COG1: variants seen among roughly 807,000 people sequenced by gnomAD.
COG1 encodes the protein conserved oligomeric Golgi complex subunit 1.
A neutral mutation model predicts 102.2 loss-of-function variants in COG1; 61 were observed. The observed-to-expected ratio is 0.60, with a 90% CI of 0.49 to 0.74. COG1 has a LOEUF of 0.74. COG1 is among the 30% of genes least tolerant of loss of function. The probability of loss-of-function intolerance (pLI) is 0.00; values close to 1 mark genes in which losing one functional copy is unlikely to be tolerated. For missense variants in COG1, 1,164 were observed against 1,232.1 expected (o/e 0.94, Z 0.83); for synonymous variants, 454 against 493.6 (o/e 0.92, Z 1.06).
intron 5 of COG1, 56 bp downstream of exon 5, chr17:73,200,077 G>T: frequency 6.4e-7 from 1 of 1,569,034 alleles, no homozygotes; most frequent in Non-Finnish European, 8.7e-7. Context: ...ATGCAGCCTT[G>T]TACGGGGCAT....
chr17:73,207,592 T>C, intron 13 of COG1: 1 of 881,892 alleles, frequency 1.1e-6, no homozygotes. Flanking sequence ...AAAATCTGTT[T>C]TGTTCTGGTG....
intron 1 of COG1, 49 bp downstream of exon 1, chr17:73,193,433 C>T (rs1396319104): frequency 1.3e-5 from 18 of 1,382,760 alleles, no homozygotes; most frequent in Non-Finnish European, 1.6e-5. Context: ...GTCCCGGAGC[C>T]CCTGGCCTTG....
rs753057922 is a variant in COG1 at position 73,207,165 on chromosome 17, T to C, written c.2730-16T>C. On this transcript the variant is annotated splice_polypyrimidine_tract_variant and intron_variant, in intron 12 of 13. Coordinates refer to ENST00000299886, the MANE Select transcript of COG1 (RefSeq NM_018714.3). Reference sequence around the variant, plus strand: ...TGCCTGTTTGTGCTACTAAATTCTTTCCTCTTGTTTTGGAGGTTTGGACTT... The same window carrying C: ...TGCCTGTTTGTGCTACTAAATTCTTCCCTCTTGTTTTGGAGGTTTGGACTT... The C allele has an allele frequency of 6.2e-7, 1 of 1,611,070 alleles. No homozygotes were observed. The highest frequency in any genetic ancestry group is 1.1e-5 in the South Asian group (1 of 90,950).
chr17:73,200,753 C>A lies in COG1; in HGVS notation c.1258C>A (p.Gln420Lys). ...CTTGTTCTGGGAAGATATGATGCAG[C>A]AACTGTTCCTTGACCGATTACAGGT... ...PLLFWEDMMQQLFLDRLQTLT... is the reference protein window; with the variant it reads ...PLLFWEDMMQKLFLDRLQTLT... Residue 420 changes from glutamine (Q) to lysine (K), a missense_variant, in exon 6 of 14, where the codon CAA becomes AAA. Gln to Lys is a moderately conservative substitution (Grantham distance 53). Coordinates refer to ENST00000299886, the MANE Select transcript of COG1 (RefSeq NM_018714.3). 2 of 1,614,120 alleles carry A rather than the reference C, an allele frequency of 1.2e-6. No individual in the cohort carries two copies. Among genetic ancestry groups the A allele is most frequent in the Non-Finnish European group, 1.7e-6 (2 of 1,179,990 alleles).
At chr17:73,201,924 C>T (rs780273741) in intron 7 of COG1, 24 bp downstream of exon 7, 3 of 1,607,302 alleles carry the variant, frequency 1.9e-6, no homozygotes, top group Non-Finnish European at 2.6e-6. Context: ...TTTCTTATCC[C>T]TGTCTTGTCT....
chr17:73,203,636 C>G lies in COG1; in HGVS notation c.2225C>G (p.Ser742Cys), dbSNP rs201654896. Reference sequence around the variant, plus strand: ...GACATTTCTTTGTTCTTTTAGCCGTCCTGGTATGTACAGTCCTTCCTGTTT... The same window carrying G: ...GACATTTCTTTGTTCTTTTAGCCGTGCTGGTATGTACAGTCCTTCCTGTTT... ...TSKIRLPAQP[S>C]WYVQSFLFSL... The change falls in exon 9 of 14, where the codon TCC (serine) becomes TGC (cysteine). Residue 742 changes from serine (S) to cysteine (C), a missense_variant. By Grantham distance (112) the Ser-to-Cys change is moderately radical. Coordinates refer to ENST00000299886, the MANE Select transcript of COG1 (RefSeq NM_018714.3). 6.2e-7 allele frequency: 1 copy of G among 1,614,104 alleles called. No individual in the cohort carries two copies. The highest frequency in any genetic ancestry group is 8.5e-7 in the Non-Finnish European group (1 of 1,180,048).
In COG1 at chr17:73,200,787, C is replaced by T; in HGVS notation, c.1281+11C>T. 3 of 1,611,570 alleles carry T rather than the reference C, an allele frequency of 1.9e-6. No homozygotes were observed. Among genetic ancestry groups the T allele is most frequent in the Non-Finnish European group, 2.5e-6 (3 of 1,177,756 alleles). Reference sequence around the variant, plus strand: ...CTTGACCGATTACAGGTGAGCTGGACAGTCACATGGTCTACCTGTTTTATG... The same window carrying T: ...CTTGACCGATTACAGGTGAGCTGGATAGTCACATGGTCTACCTGTTTTATG... On this transcript the variant is annotated intron_variant, in intron 6 of 13. Transcript: ENST00000299886.
At chr17:73,197,439 T>C in intron 4 of COG1, 43 bp downstream of exon 4, 1 of 1,606,350 alleles carries the variant, frequency 6.2e-7, no homozygotes, top group African/African-American at 1.3e-5. Flanking sequence ...TTCACTCAAC[T>C]GATAATTTGC....
At position 73,205,604 on chromosome 17, in the gene COG1, G is replaced by A. The variant is rs2145103829; in HGVS notation, c.2434G>A (p.Asp812Asn). ...TQNRALQLLY[D>N]LRYLNIVLTA... is the part of the protein sequence containing the mutation. ...GAACCGGGCGCTGCAGCTGCTTTAT[G>A]ATCTGCGTTACCTCAACATTGTTCT... is the stretch of plus-strand genomic sequence containing the variant. The change falls in exon 10 of 14, where the codon GAT becomes AAT. Residue 812 changes from aspartate to asparagine, a missense_variant. Coordinates refer to ENST00000299886, the MANE Select transcript of COG1 (RefSeq NM_018714.3). 2 of 1,614,164 alleles carry A rather than the reference G, an allele frequency of 1.2e-6. No individual in the cohort carries two copies. The highest frequency in any genetic ancestry group is 1.7e-6 in the Non-Finnish European group (2 of 1,180,032).
Position 73,200,034 on chromosome 17 carries a change from A to G in COG1, c.1070+13A>G, listed in dbSNP as rs749323462. On this transcript the variant is annotated intron_variant, in intron 5 of 13. Coordinates refer to ENST00000299886, the MANE Select transcript of COG1 (RefSeq NM_018714.3). Reference sequence around the variant, plus strand: ...AATGGATCCACATGTAAGTAACCAGAAAGAGCTTCCCTGCAGCTGGCAGGA... The same window carrying G: ...AATGGATCCACATGTAAGTAACCAGGAAGAGCTTCCCTGCAGCTGGCAGGA... 1.2e-6 allele frequency: 2 copies of G among 1,607,550 alleles called. No individual in the cohort carries two copies. Among genetic ancestry groups the G allele is most frequent in the Non-Finnish European group, 1.7e-6 (2 of 1,176,568 alleles).
At position 73,201,505 on chromosome 17, in the gene COG1, T is replaced by TA; in HGVS notation, c.1679dup (p.Tyr560Ter). The TA allele has an allele frequency of 6.2e-7, 1 of 1,614,230 alleles. No individual in the cohort carries two copies. Among genetic ancestry groups the TA allele is most frequent in the African/African-American group, 1.3e-5 (1 of 75,062 alleles). ...TQAKSSAFDR[Y>*]ADAGTVQEML... Reference sequence around the variant, plus strand: ...GGCCAAGAGTTCTGCCTTTGACAGATACGCAGATGCGGGGACCGTGCAGGA... The same window carrying TA: ...GGCCAAGAGTTCTGCCTTTGACAGATAACGCAGATGCGGGGACCGTGCAGGA... Residue 560 changes from tyrosine (Y) to a stop codon, truncating the protein, a stop_gained and frameshift_variant, in exon 7 of 14, where the codon TAC (tyrosine) becomes TAAC (stop). Transcript: ENST00000299886. LOFTEE classifies it high-confidence loss of function.
chr17:73,205,809 C>A, intron 10 of COG1, 129 bp downstream of exon 10: 1 of 1,250,836 alleles, frequency 8.0e-7, no homozygotes, highest in Non-Finnish European at 1.2e-6. Flanking sequence ...ACAGTAAGTG[C>A]TCATATTGCC....
chr17:73,194,982 G>C (rs1387892853), intron 1 of COG1, among the ~76,000 whole-genome samples: 1 of 152,160 alleles, frequency 6.6e-6, no homozygotes, highest in Non-Finnish European at 1.5e-5. Context: ...TAAAACTATA[G>C]GAAGTTGCAA....
At chr17:73,196,452 C>T (rs1568294857) in intron 1 of COG1, 55 bp from the exon 2 acceptor site, 3 of 1,613,380 alleles carry the variant, frequency 1.9e-6, no homozygotes, top group Non-Finnish European at 2.5e-6. Context: ...GCCTACAGAA[C>T]ACTGAGATTG....
At chr17:73,207,815 T>G (rs1274446978) in intron 13 of COG1, 10 of 1,283,060 alleles carry the variant, frequency 7.8e-6, no homozygotes, top group South Asian at 1.3e-5. Flanking sequence ...TCGAGTTGTT[T>G]GCTTTATTGT....
At chr17:73,200,303 G>T (rs551569373) in intron 5 of COG1, among the ~76,000 whole-genome samples, 2 of 152,262 alleles carry the variant, frequency 1.3e-5, no homozygotes, top group East Asian at 1.9e-4. Context: ...TTAATGCATT[G>T]TTTTTTTAAG....
At position 73,206,389 on chromosome 17, in the gene COG1, G is replaced by A. The variant is rs572038867; in HGVS notation, c.2619+127G>A. ...GGAGGGGAATAAGACACAAATAGCC[G>A]AGTGTAGTTATAAGGACTGAAAGAG... On this transcript the variant is annotated intron_variant, in intron 11 of 13. Coordinates refer to ENST00000299886, the MANE Select transcript of COG1 (RefSeq NM_018714.3). The A allele has an allele frequency of 1.7e-5, 14 of 802,906 alleles. 1 individual carries two copies. The highest frequency in any genetic ancestry group is 4.2e-5 in the South Asian group (3 of 70,660). 49.7% of individuals were successfully genotyped at this position (802,906 alleles called of 1,614,324 possible).
intron 7 of COG1, 155 bp from the exon 8 acceptor site, chr17:73,202,845 T>G (rs1484362668): frequency 8.8e-6 from 7 of 799,472 alleles, no homozygotes; most frequent in Non-Finnish European, 1.5e-5. Flanking sequence ...TTCCCATGGC[T>G]GATATCATTG....
chr17:73,196,932 T>C lies in COG1; in HGVS notation c.593T>C (p.Leu198Pro). 6.2e-7 allele frequency: 1 copy of C among 1,614,246 alleles called. No individual in the cohort carries two copies. Among genetic ancestry groups the C allele is most frequent in the Non-Finnish European group, 8.5e-7 (1 of 1,180,032 alleles). ...STILHESKML[L>P]KCQGVSDQAV... The stretch of plus-strand genomic sequence containing the variant: ...ATTCTGCATGAAAGCAAGATGTTGC[T>C]CAAATGCCAAGGTGTGTCTGACCAA... Residue 198 changes from leucine to proline, a missense_variant, in exon 3 of 14, where the codon CTC becomes CCC. By Grantham distance (98) the Leu-to-Pro change is moderately conservative (BLOSUM62 -3). Coordinates refer to ENST00000299886, the MANE Select transcript of COG1 (RefSeq NM_018714.3).
Sources: gnomAD v4.1 joint callset for allele counts (sites outside exome capture counted in the v4.1 genomes callset) on GRCh38, gnomAD v4.1.1 for gene constraint, MANE v1.5 for transcripts, NCBI Gene and HGNC (gene_info 2026-07-23, HGNC 2026-07-21) for gene names.